The following DLGAP4 variants were observed in gnomAD, a reference collection of about 807,000 sequenced individuals.
The protein encoded by DLGAP4 is disks large-associated protein 4.
In DLGAP4, 18 loss-of-function variants were observed where a neutral mutation model predicts 86.9. The observed-to-expected ratio is 0.21, with a 90% confidence interval of 0.14 to 0.31. The LOEUF (loss-of-function observed/expected upper bound fraction) is 0.31, where lower values mean the gene tolerates loss of function less well. Ranked by LOEUF, DLGAP4 falls within the 10% of genes least tolerant of loss-of-function variation. The pLI, the probability that DLGAP4 is intolerant of heterozygous loss-of-function variation, is 1.00. For synonymous variants in DLGAP4, 548 were observed against 574.3 expected (o/e 0.95, Z 0.65); for missense variants, 1,085 against 1,362.6 (o/e 0.80, Z 3.21).
chr20:36,504,209 A>G (rs747762864), intron 10 of DLGAP4, among the ~76,000 whole-genome samples: 12 of 152,204 alleles, frequency 7.9e-5, no homozygotes, highest in Non-Finnish European at 1.5e-4. Context: ...ACTTTCATCT[A>G]AAACATAGAA....
rs968448640 is a variant in DLGAP4 at position 36,310,583 on chromosome 20, T to C, written c.-304+4071T>C. 5.6e-3 allele frequency among the ~76,000 whole-genome samples: 860 copies of C among 152,310 alleles called. 8 individuals carry two copies. The highest frequency in any genetic ancestry group is 0.02 in the African/African-American group (829 of 41,558). On this transcript the variant is annotated intron_variant, in intron 1 of 12. Coordinates refer to ENST00000339266, the MANE Select transcript of DLGAP4 (RefSeq NM_001365621.2). ...CTGCATCTTGGGGCATCTGGTGGGCTGTCCTCCCATTTTCTGGACAAGGAA... is the reference window on the plus strand; with the variant it reads ...CTGCATCTTGGGGCATCTGGTGGGCCGTCCTCCCATTTTCTGGACAAGGAA...
At chr20:36,525,763 C>T in intron 11 of DLGAP4, 88 bp from the exon 12 acceptor site, 3 of 1,567,332 alleles carry the variant, frequency 1.9e-6, no homozygotes, top group Non-Finnish European at 2.6e-6. Flanking sequence ...GCTGGCAGGG[C>T]CCAGAGGAAC....
At chr20:36,335,653 C>T (rs1258794468) in intron 1 of DLGAP4, among the ~76,000 whole-genome samples, 2 of 152,226 alleles carry the variant, frequency 1.3e-5, no homozygotes, top group Non-Finnish European at 2.9e-5. Flanking sequence ...TTCTCCTCCC[C>T]TTCTTCCTCC....
intron 10 of DLGAP4, among the ~76,000 whole-genome samples, chr20:36,520,524 C>T (rs1443056340): frequency 1.3e-5 from 2 of 151,836 alleles, no homozygotes; most frequent in Admixed American, 1.3e-4. Flanking sequence ...TTTTTGTATT[C>T]TTAGTAGAGA....
At chr20:36,458,742 G>A (rs1415287992) in intron 7 of DLGAP4, among the ~76,000 whole-genome samples, 3 of 152,124 alleles carry the variant, frequency 2.0e-5, no homozygotes, top group African/African-American at 7.2e-5. Context: ...CTACTCAGGG[G>A]GCTGCATGGA....
intron 2 of DLGAP4, among the ~76,000 whole-genome samples, chr20:36,389,566 G>A (rs2031716981): frequency 6.6e-6 from 1 of 152,128 alleles, no homozygotes; most frequent in Non-Finnish European, 1.5e-5. Flanking sequence ...TTTTAGCTGT[G>A]AGTCTAAGCT....
rs1026169044 is a variant in DLGAP4, at chr20:36,432,410, C to A, written c.693C>A (p.Gly231=). 2.5e-6 allele frequency: 4 copies of A among 1,613,622 alleles called. No individual in the cohort carries two copies. The African/African-American group carries it at 4.0e-5, about 16-fold the overall frequency. ...SGPASGLMTL[G]RQAERSQPRY... ...CAGCCTCTGGGCTGATGACACTAGG[C>A]CGCCAGGCAGAACGCAGCCAGCCAC... Residue 231 remains glycine, a synonymous_variant, in exon 3 of 13, where the codon GGC becomes GGA. Coordinates refer to ENST00000339266, the MANE Select transcript of DLGAP4 (RefSeq NM_001365621.2). This position sits in a 1 kb window ranked among gnomAD's most constrained non-coding sequence, Gnocchi z 6.5.
intron 2 of DLGAP4, among the ~76,000 whole-genome samples, chr20:36,399,013 C>G (rs542864761): frequency 9.2e-5 from 14 of 152,200 alleles, no homozygotes; most frequent in Admixed American, 3.9e-4. Context: ...GGCAACAAGG[C>G]AAAACCCTGT....
chr20:36,411,076 C>T (rs1261484777), intron 2 of DLGAP4, among the ~76,000 whole-genome samples: 5 of 152,162 alleles, frequency 3.3e-5, no homozygotes, highest in South Asian at 2.1e-4. Flanking sequence ...CTGCAACCTC[C>T]GCCTCCTGGG....
chr20:36,485,717 A>C (rs1369188253), intron 7 of DLGAP4, among the ~76,000 whole-genome samples: 1 of 152,158 alleles, frequency 6.6e-6, no homozygotes, highest in Non-Finnish European at 1.5e-5. Context: ...AGTGATAATT[A>C]CCACTCCTCC....
intron 1 of DLGAP4, among the ~76,000 whole-genome samples, chr20:36,324,609 C>A (rs1008994575): frequency 1.3e-5 from 2 of 152,116 alleles, no homozygotes; most frequent in African/African-American, 4.8e-5. Flanking sequence ...ATGGTCTTGG[C>A]ACCCCTTTCG....
intron 1 of DLGAP4, among the ~76,000 whole-genome samples, chr20:36,347,978 A>G (rs2030001505): frequency 6.6e-6 from 1 of 152,044 alleles, no homozygotes; most frequent in Non-Finnish European, 1.5e-5. Flanking sequence ...CATAGAATGG[A>G]GCTTCACCTC....
At chr20:36,388,230 T>C (rs1037319121) in intron 2 of DLGAP4, among the ~76,000 whole-genome samples, 1 of 152,240 alleles carries the variant, frequency 6.6e-6, no homozygotes, top group Non-Finnish European at 1.5e-5. Context: ...CTTCGCACTC[T>C]GCTTTGCTGC....
intron 2 of DLGAP4, among the ~76,000 whole-genome samples, chr20:36,419,588 G>A (rs1452737260): frequency 6.6e-6 from 1 of 152,192 alleles, no homozygotes; most frequent in Non-Finnish European, 1.5e-5. Flanking sequence ...GCCATCTGAA[G>A]TCCTACTTCA....
chr20:36,321,402 G>A (rs1376090731), intron 1 of DLGAP4, among the ~76,000 whole-genome samples: 2 of 152,372 alleles, frequency 1.3e-5, no homozygotes, highest in Admixed American at 6.5e-5. Flanking sequence ...GAGGGCTGCG[G>A]GGGAGTTTCC....
At chr20:36,436,038 C>G (rs2033264744) in intron 3 of DLGAP4, 71 bp from the exon 4 acceptor site, 3 of 1,464,026 alleles carry the variant, frequency 2.0e-6, no homozygotes, top group East Asian at 4.9e-5. Flanking sequence ...CTTCAGGTCC[C>G]GGAGATGGGG....
intron 2 of DLGAP4, among the ~76,000 whole-genome samples, chr20:36,380,427 A>T (rs1280793341): frequency 2.0e-5 from 3 of 152,012 alleles, no homozygotes; most frequent in African/African-American, 4.8e-5. Context: ...AAAATAATTT[A>T]AAAAATAATA....
chr20:36,313,604 TG>T (rs1190810504), intron 1 of DLGAP4, among the ~76,000 whole-genome samples: 12 of 151,100 alleles, frequency 7.9e-5, no homozygotes, highest in Non-Finnish European at 1.6e-4. Context: ...GGCCTGCTGC[TG>T]GGGGGGCAGG....
At chr20:36,404,960 G>A (rs1236546177) in intron 2 of DLGAP4, among the ~76,000 whole-genome samples, 1 of 152,194 alleles carries the variant, frequency 6.6e-6, no homozygotes, top group African/African-American at 2.4e-5. Context: ...GGGTCAGGGA[G>A]GGCCTCTGGA....
Sources: allele counts gnomAD v4.1 joint callset (sites outside exome capture counted in the v4.1 genomes callset), GRCh38; gene constraint gnomAD v4.1.1; non-coding constraint Gnocchi (gnomAD v3.1); transcripts MANE v1.5; gene names NCBI Gene and HGNC (gene_info 2026-07-23, HGNC 2026-07-21).